The following HS6ST3 variants were observed in gnomAD, a reference collection of about 807,000 sequenced individuals.
HS6ST3 encodes heparan-sulfate 6-O-sulfotransferase 3.
In HS6ST3, 12 loss-of-function variants were observed where a neutral mutation model predicts 36.7. The ratio of observed to expected loss-of-function variants is 0.33; its 90% CI spans 0.21 to 0.53. HS6ST3 has a LOEUF of 0.53. HS6ST3 is among the 20% of genes least tolerant of loss of function. The probability of loss-of-function intolerance (pLI) is 0.95; values close to 1 mark genes in which losing one functional copy is unlikely to be tolerated. For missense variants in HS6ST3, 584 were observed against 640.9 expected (o/e 0.91, Z 0.96); for synonymous variants, 240 against 257.5 (o/e 0.93, Z 0.65).
At chr13:96,593,170 C>T (rs376286220) in intron 1 of HS6ST3, among the ~76,000 whole-genome samples, 25 of 50,252 alleles carry the variant, frequency 5.0e-4, no homozygotes, top group South Asian at 2.3e-3. Context: ...TATTTTCTTT[C>T]TTTCTTTTTT....
intron 1 of HS6ST3, among the ~76,000 whole-genome samples, chr13:96,429,179 TC>T (rs1421607601): frequency 1.3e-5 from 2 of 152,346 alleles, no homozygotes; most frequent in East Asian, 3.9e-4. Flanking sequence ...ACCAGCTGTT[TC>T]GAAACTTTAC....
chr13:96,337,968 A>G (rs1023731330), intron 1 of HS6ST3, among the ~76,000 whole-genome samples: 1 of 152,048 alleles, frequency 6.6e-6, no homozygotes, highest in Non-Finnish European at 1.5e-5. Context: ...TGTTTTGGAC[A>G]TCAGAACACA....
chr13:96,222,568 TG>T (rs747933318), intron 1 of HS6ST3, among the ~76,000 whole-genome samples: 1 of 152,240 alleles, frequency 6.6e-6, no homozygotes, highest in Non-Finnish European at 1.5e-5. Context: ...ACCAGGTAAG[TG>T]GGCTTAGTTT....
At chr13:96,228,455 A>C (rs981631997) in intron 1 of HS6ST3, among the ~76,000 whole-genome samples, 1 of 152,134 alleles carries the variant, frequency 6.6e-6, no homozygotes, top group African/African-American at 2.4e-5. Context: ...CAGTACAGAC[A>C]GGGTTTCATC....
chr13:96,203,308 C>T (rs750794457), intron 1 of HS6ST3, among the ~76,000 whole-genome samples: 3 of 152,236 alleles, frequency 2.0e-5, no homozygotes, highest in South Asian at 2.1e-4. Context: ...TTACCAGCCG[C>T]GGCCTTCTCT....
chr13:96,645,065 T>C (rs1432806417), intron 1 of HS6ST3, among the ~76,000 whole-genome samples: 1 of 151,986 alleles, frequency 6.6e-6, no homozygotes, highest in African/African-American at 2.4e-5. Flanking sequence ...CCTAATGATT[T>C]TTTTTTAAAT....
intron 1 of HS6ST3, among the ~76,000 whole-genome samples, chr13:96,252,871 C>A (rs2054614095): frequency 6.6e-6 from 1 of 152,006 alleles, no homozygotes; most frequent in East Asian, 1.9e-4. Context: ...GTCAAAGCTC[C>A]CTGAGGCCTC....
chr13:96,321,593 C>T (rs1813479995), intron 1 of HS6ST3, among the ~76,000 whole-genome samples: 1 of 152,138 alleles, frequency 6.6e-6, no homozygotes, highest in Non-Finnish European at 1.5e-5. Flanking sequence ...CCACTGGCTA[C>T]CTCCTTTTCA....
chr13:96,104,983 G>T (rs2053834501), intron 1 of HS6ST3, among the ~76,000 whole-genome samples: 1 of 149,028 alleles, frequency 6.7e-6, no homozygotes, highest in Non-Finnish European at 1.5e-5. Flanking sequence ...ATCAAGATTG[G>T]AAAGGACACA....
chr13:96,330,513 C>T (rs879244594), intron 1 of HS6ST3, among the ~76,000 whole-genome samples: 1,192 of 133,944 alleles, frequency 8.9e-3, no homozygotes, highest in African/African-American at 0.013. Context: ...TATTGGCCCC[C>T]ACTCTCTTCT....
At chr13:96,326,956 T>C (rs1355907011) in intron 1 of HS6ST3, among the ~76,000 whole-genome samples, 6 of 150,372 alleles carry the variant, frequency 4.0e-5, no homozygotes, top group Admixed American at 3.3e-4. Context: ...TTCATGTGTT[T>C]TTTGGCTGCA....
chr13:96,708,566 G>T (rs1453879631), intron 1 of HS6ST3, among the ~76,000 whole-genome samples: 2 of 152,104 alleles, frequency 1.3e-5, no homozygotes, highest in African/African-American at 2.4e-5. Flanking sequence ...TCCTCATAGA[G>T]CCTCTGTCCT....
intron 1 of HS6ST3, among the ~76,000 whole-genome samples, chr13:96,590,601 G>T (rs980395855): frequency 6.6e-6 from 1 of 151,708 alleles, no homozygotes; most frequent in Non-Finnish European, 1.5e-5. Context: ...TCCATTATTA[G>T]ATGGGTATTC....
rs180963925 is a variant in HS6ST3 at position 96,125,787 on chromosome 13, A to T, written c.707+34218A>T. ...CCATTTTTTTATTTTTTATTTTTTT[A>T]TTATTATTATACTTTAAGTTTTAGG... On this transcript the variant is annotated intron_variant, in intron 1 of 1. Transcript: ENST00000376705. Among the ~76,000 whole-genome samples, 1,158 of 145,772 alleles carry T rather than the reference A, an allele frequency of 7.9e-3. 18 individuals are homozygous for T. Among genetic ancestry groups the T allele is most frequent in the African/African-American group, 0.029 (1,103 of 37,450 alleles).
chr13:96,475,819 C>A (rs569535843), intron 1 of HS6ST3, among the ~76,000 whole-genome samples: 1 of 152,130 alleles, frequency 6.6e-6, no homozygotes, highest in South Asian at 2.1e-4. Flanking sequence ...ACCTCTATGG[C>A]CATATGCGAG....
chr13:96,359,833 C>T (rs1052410738), intron 1 of HS6ST3, among the ~76,000 whole-genome samples: 2 of 152,110 alleles, frequency 1.3e-5, no homozygotes, highest in South Asian at 4.1e-4. Flanking sequence ...GAGCAAGTTG[C>T]AAAACACTTC....
chr13:96,232,746 C>T (rs41442845), intron 1 of HS6ST3, among the ~76,000 whole-genome samples: 6,193 of 152,162 alleles, frequency 0.041, 203 homozygotes, highest in African/African-American at 0.086. Flanking sequence ...GAGAAATGAT[C>T]GGTACCTAAA....
At chr13:96,262,523 T>C (rs1343999483) in intron 1 of HS6ST3, among the ~76,000 whole-genome samples, 1 of 151,322 alleles carries the variant, frequency 6.6e-6, no homozygotes, top group African/African-American at 2.4e-5. Flanking sequence ...AGTTTTTGAC[T>C]TGATGAAATG....
intron 1 of HS6ST3, among the ~76,000 whole-genome samples, chr13:96,792,194 A>G (rs1191073917): frequency 9.9e-5 from 15 of 152,018 alleles, no homozygotes. Context: ...AGTCTTTGTG[A>G]AAAGAGATTG....
Sources: allele counts gnomAD v4.1 joint callset (sites outside exome capture counted in the v4.1 genomes callset), GRCh38; gene constraint gnomAD v4.1.1; transcripts MANE v1.5; gene names NCBI Gene and HGNC (gene_info 2026-07-23, HGNC 2026-07-21).